MTUS1: variants seen among roughly 807,000 people sequenced by gnomAD.
MTUS1 encodes microtubule-associated tumor suppressor 1.
In MTUS1, 109 loss-of-function variants were observed where a neutral mutation model predicts 120.8. That is an observed-to-expected ratio of 0.90 (90% CI 0.77 to 1.06). MTUS1 has a LOEUF of 1.06. Among genes scored for constraint, MTUS1 ranks in the 50% least tolerant of loss-of-function variants. MTUS1 has a pLI of 0.00. For synonymous variants in MTUS1, 737 were observed against 550.5 expected (o/e 1.34, Z -4.74); for missense variants, 2,210 against 1,486.3 (o/e 1.49, Z -8.01).
chr8:17,694,298 C>T (rs969570959), intron 6 of MTUS1, among the ~76,000 whole-genome samples: 1 of 152,248 alleles, frequency 6.6e-6, no homozygotes, highest in East Asian at 1.9e-4. Flanking sequence ...AAAAACAAAT[C>T]AAGATTTCAA....
At chr8:17,690,831 A>G (rs928909217) in intron 6 of MTUS1, among the ~76,000 whole-genome samples, 7 of 152,168 alleles carry the variant, frequency 4.6e-5, no homozygotes, top group Admixed American at 4.6e-4. Context: ...TCGTGTACTA[A>G]AATGACCCAA....
At chr8:17,778,856 C>T (rs2050658413) in intron 1 of MTUS1, among the ~76,000 whole-genome samples, 1 of 152,012 alleles carries the variant, frequency 6.6e-6, no homozygotes, top group Non-Finnish European at 1.5e-5. Flanking sequence ...GCTCAGACAC[C>T]AAACCAAAGC....
intron 3 of MTUS1, among the ~76,000 whole-genome samples, chr8:17,732,617 T>C (rs1021034062): frequency 6.6e-6 from 1 of 152,222 alleles, no homozygotes; most frequent in Admixed American, 6.5e-5. Context: ...CAAACTTGCA[T>C]ATCCAGTTTT....
At chr8:17,793,967 C>CT (rs1438273495) in intron 1 of MTUS1, among the ~76,000 whole-genome samples, 11 of 151,998 alleles carry the variant, frequency 7.2e-5, no homozygotes, top group Admixed American at 2.6e-4. Context: ...AGGTCAAATT[C>CT]TTTTTTTTCT....
At chr8:17,745,912 T>C (rs188123886) in intron 2 of MTUS1, among the ~76,000 whole-genome samples, 9 of 152,308 alleles carry the variant, frequency 5.9e-5, no homozygotes, top group East Asian at 1.9e-4. Context: ...AACTGGATCA[T>C]AGAAGCAGAC....
At chr8:17,695,961 G>C (rs1179705931) in intron 6 of MTUS1, among the ~76,000 whole-genome samples, 2 of 152,142 alleles carry the variant, frequency 1.3e-5, no homozygotes, top group Non-Finnish European at 2.9e-5. Context: ...CATACTGTTT[G>C]ATTTTTAACT....
intron 1 of MTUS1, among the ~76,000 whole-genome samples, chr8:17,774,971 TAAAAAAAAAA>T (rs76567642): frequency 1.0e-5 from 1 of 96,980 alleles, no homozygotes; most frequent in Non-Finnish European, 1.9e-5. Flanking sequence ...ATATTATAAG[TAAAAAAAAAA>T]AAAAAAAAAA....
intron 1 of MTUS1, among the ~76,000 whole-genome samples, chr8:17,773,990 C>T (rs1304171456): frequency 6.6e-6 from 1 of 152,138 alleles, no homozygotes; most frequent in African/African-American, 2.4e-5. Flanking sequence ...CCCCACTGTG[C>T]AGCCCTCACA....
intron 3 of MTUS1, among the ~76,000 whole-genome samples, chr8:17,726,171 C>G (rs1265018239): frequency 2.0e-5 from 3 of 152,178 alleles, no homozygotes; most frequent in African/African-American, 7.2e-5. Flanking sequence ...ACCCTTGCTA[C>G]TCATTTGCAG....
chr8:17,730,887 G>T (rs535074692), intron 3 of MTUS1, among the ~76,000 whole-genome samples: 1 of 152,150 alleles, frequency 6.6e-6, no homozygotes, highest in Non-Finnish European at 1.5e-5. Context: ...TCTGGAGATG[G>T]ATATGGAGGA....
intron 7 of MTUS1, chr8:17,676,622 C>G (rs747674657): frequency 2.0e-5 from 8 of 391,266 alleles, no homozygotes; most frequent in Middle Eastern, 6.7e-4. Context: ...TGATCGATTG[C>G]CATTTAGTTA....
At chr8:17,663,933 A>G (rs183416417) in intron 8 of MTUS1, 60 of 152,338 alleles carry the variant, frequency 3.9e-4, no homozygotes, top group African/African-American at 1.3e-3. Flanking sequence ...TGGAGATATT[A>G]TTAGTCCCTT....
intron 14 of MTUS1, 64 bp downstream of exon 14, chr8:17,646,918 G>T: frequency 8.1e-7 from 1 of 1,234,460 alleles, no homozygotes. Flanking sequence ...AGCGTGTCCA[G>T]AAAGTACACT....
intron 2 of MTUS1, among the ~76,000 whole-genome samples, chr8:17,752,738 T>C (rs1014773288): frequency 6.6e-6 from 1 of 152,172 alleles, no homozygotes; most frequent in African/African-American, 2.4e-5. Context: ...ACAGGCTGTC[T>C]GTGTCACACC....
intron 3 of MTUS1, among the ~76,000 whole-genome samples, chr8:17,736,143 T>A (rs189687062): frequency 6.6e-6 from 1 of 152,226 alleles, no homozygotes; most frequent in Non-Finnish European, 1.5e-5. Flanking sequence ...CTGTGACATA[T>A]TAAGCCTACT....
intron 12 of MTUS1, 27 bp downstream of exon 12, chr8:17,653,159 A>T: frequency 7.5e-7 from 1 of 1,330,668 alleles, no homozygotes; most frequent in Non-Finnish European, 1.0e-6. Context: ...AAAATTCCAT[A>T]CTGATAAAGG....
intron 8 of MTUS1, among the ~76,000 whole-genome samples, chr8:17,657,615 T>A (rs1337843341): frequency 6.7e-6 from 1 of 149,088 alleles, no homozygotes; most frequent in African/African-American, 2.5e-5. Context: ...ACCTAGGAGT[T>A]CATGACCAGC....
chr8:17,792,979 A>C (rs2131591076), intron 1 of MTUS1, among the ~76,000 whole-genome samples: 1 of 152,370 alleles, frequency 6.6e-6, no homozygotes, highest in Non-Finnish European at 1.5e-5. Flanking sequence ...GTTTTACATA[A>C]ATGCAAAACT....
In MTUS1 at chr8:17,667,262, G is replaced by A. The variant is rs562983222; in HGVS notation, c.2905+7924C>T. ...CAACTCAGTCTTCAAACAAGTCAGGGAGATAAACAGCCCTGTTTTGGTGTA... is the reference window on the plus strand; with the variant it reads ...CAACTCAGTCTTCAAACAAGTCAGGAAGATAAACAGCCCTGTTTTGGTGTA... On this transcript the variant is annotated intron_variant, in intron 8 of 14. Coordinates refer to ENST00000693296, the MANE Select transcript of MTUS1 (RefSeq NM_001363059.2). Among the ~76,000 whole-genome samples, 10 of 152,296 alleles carry A rather than the reference G, an allele frequency of 6.6e-5. No homozygotes were observed. In the East Asian group the frequency reaches 1.7e-3, roughly 26 times the overall value.
Sources: gnomAD v4.1 joint callset for allele counts (sites outside exome capture counted in the v4.1 genomes callset) on GRCh38, gnomAD v4.1.1 for gene constraint, MANE v1.5 for transcripts, NCBI Gene and HGNC (gene_info 2026-07-23, HGNC 2026-07-21) for gene names.